The following CADPS2 variants were observed in gnomAD, a reference collection of about 807,000 sequenced individuals.
The protein encoded by CADPS2 is calcium-dependent secretion activator 2.
In CADPS2, 93 loss-of-function variants were observed where a neutral mutation model predicts 172.5. The observed-to-expected ratio is 0.54, with a 90% CI of 0.46 to 0.64. The LOEUF (loss-of-function observed/expected upper bound fraction) is 0.64, where lower values mean the gene tolerates loss of function less well. Among genes scored for constraint, CADPS2 ranks in the 30% least tolerant of loss-of-function variants. The pLI, the probability that CADPS2 is intolerant of heterozygous loss-of-function variation, is 0.00. For missense variants in CADPS2, 1,420 were observed against 1,565.9 expected (o/e 0.91, Z 1.57); for synonymous variants, 546 against 555.2 (o/e 0.98, Z 0.23).
At chr7:122,593,678 G>A (rs1406826473) in intron 6 of CADPS2, among the ~76,000 whole-genome samples, 2 of 151,784 alleles carry the variant, frequency 1.3e-5, no homozygotes, top group Non-Finnish European at 2.9e-5. Flanking sequence ...GAATATTAAA[G>A]TTTTCATCTG....
chr7:122,432,140 G>A (rs1025247565), intron 17 of CADPS2, among the ~76,000 whole-genome samples: 16 of 152,150 alleles, frequency 1.1e-4, no homozygotes, highest in African/African-American at 3.9e-4. Flanking sequence ...ATCAGTCTTG[G>A]AGGCATGGCA....
At chr7:122,883,290 T>C (rs555258737) in intron 1 of CADPS2, among the ~76,000 whole-genome samples, 1 of 152,280 alleles carries the variant, frequency 6.6e-6, no homozygotes, top group Admixed American at 6.5e-5. Context: ...CCTGGCCTCC[T>C]GGGTAAAGAT....
At chr7:122,771,934 G>C (rs1339828977) in intron 1 of CADPS2, among the ~76,000 whole-genome samples, 2 of 152,164 alleles carry the variant, frequency 1.3e-5, no homozygotes, top group African/African-American at 4.8e-5. Flanking sequence ...ATTTGTGTTA[G>C]GGAGAGAAAA....
intron 6 of CADPS2, among the ~76,000 whole-genome samples, chr7:122,588,079 A>G (rs989129124): frequency 6.6e-6 from 1 of 151,488 alleles, no homozygotes; most frequent in African/African-American, 2.4e-5. Flanking sequence ...TTTTTCTTGT[A>G]AATTTGAGTT....
chr7:122,698,916 C>T (rs71574716), intron 2 of CADPS2: 61,184 of 1,569,222 alleles, frequency 0.039, 1,660 homozygotes, highest in Non-Finnish European at 0.041. Context: ...TGAGTAGATG[C>T]ATCTCTCTCT....
intron 8 of CADPS2, among the ~76,000 whole-genome samples, chr7:122,527,957 T>C (rs1233434127): frequency 6.6e-6 from 1 of 152,130 alleles, no homozygotes; most frequent in African/African-American, 2.4e-5. Context: ...AATGGCTAAG[T>C]GCCAGGTATA....
intron 29 of CADPS2, among the ~76,000 whole-genome samples, chr7:122,324,036 A>G (rs1438495143): frequency 6.6e-6 from 1 of 151,680 alleles, no homozygotes; most frequent in Non-Finnish European, 1.5e-5. Context: ...TTATGAACCT[A>G]TCATATTGTC....
At chr7:122,390,275 G>A (rs1373711107) in intron 22 of CADPS2, among the ~76,000 whole-genome samples, 1 of 151,902 alleles carries the variant, frequency 6.6e-6, no homozygotes, top group African/African-American at 2.4e-5. Flanking sequence ...CAGTGAAAGT[G>A]TTGAAAAAAA....
At chr7:122,725,266 G>C (rs2090958927) in intron 2 of CADPS2, among the ~76,000 whole-genome samples, 1 of 151,930 alleles carries the variant, frequency 6.6e-6, no homozygotes, top group African/African-American at 2.4e-5. Context: ...CAGACCCCCT[G>C]AATTCTATCC....
intron 28 of CADPS2, chr7:122,331,768 T>A (rs1456878210): frequency 1.3e-5 from 2 of 152,212 alleles, no homozygotes; most frequent in South Asian, 2.1e-4. Flanking sequence ...CAAAACTGAG[T>A]TTAGATTAAG....
At chr7:122,336,621 T>A (rs68122497) in intron 28 of CADPS2, among the ~76,000 whole-genome samples, 32,172 of 152,168 alleles carry the variant, frequency 0.21, 3,931 homozygotes, top group East Asian at 0.45. Context: ...CAGTCTCTTA[T>A]AAAATTGGTA....
intron 1 of CADPS2, among the ~76,000 whole-genome samples, chr7:122,810,542 T>C (rs927654880): frequency 1.4e-4 from 21 of 152,230 alleles, no homozygotes; most frequent in Non-Finnish European, 1.6e-4. Context: ...CCTTAAGTCC[T>C]ATTTAAAACG....
intron 6 of CADPS2, among the ~76,000 whole-genome samples, chr7:122,592,776 G>T (rs1162672570): frequency 7.0e-6 from 1 of 142,196 alleles, no homozygotes; most frequent in East Asian, 2.1e-4. Flanking sequence ...TCATAGGTGG[G>T]AATTGAACAA....
chr7:122,372,293 A>G (rs2041861215), intron 25 of CADPS2, among the ~76,000 whole-genome samples: 1 of 152,138 alleles, frequency 6.6e-6, no homozygotes, highest in Non-Finnish European at 1.5e-5. Flanking sequence ...TGGAAGTGGA[A>G]AAGTCACAGA....
At chr7:122,351,330 G>A (rs547471803) in intron 27 of CADPS2, among the ~76,000 whole-genome samples, 19 of 116,156 alleles carry the variant, frequency 1.6e-4, no homozygotes, top group South Asian at 2.9e-4. Flanking sequence ...CCAAGATTGC[G>A]CCACTGCACT....
At chr7:122,363,226 G>C (rs889748856) in intron 25 of CADPS2, among the ~76,000 whole-genome samples, 2 of 152,188 alleles carry the variant, frequency 1.3e-5, no homozygotes, top group African/African-American at 2.4e-5. Context: ...GCCCTCTGTG[G>C]AAAATGCCTC....
At chr7:122,788,297 T>C (rs374331556) in intron 1 of CADPS2, among the ~76,000 whole-genome samples, 1 of 152,354 alleles carries the variant, frequency 6.6e-6, no homozygotes, top group South Asian at 2.1e-4. Context: ...GAATGAAGCA[T>C]TTCATTTTTG....
intron 14 of CADPS2, among the ~76,000 whole-genome samples, chr7:122,463,980 C>G (rs2054805150): frequency 6.6e-6 from 1 of 152,182 alleles, no homozygotes; most frequent in Non-Finnish European, 1.5e-5. Flanking sequence ...TCACCTAGCT[C>G]TGTCCAACTG....
Position 122,542,031 on chromosome 7 carries a change from T to C in CADPS2, c.1475+12519A>G, listed in dbSNP as rs139449834. ...TTTGTAAATCATAAATTATCTATTGTGTAATGATAACAGCTAAAATGGACA... is the reference window on the plus strand; with the variant it reads ...TTTGTAAATCATAAATTATCTATTGCGTAATGATAACAGCTAAAATGGACA... On this transcript the variant is annotated intron_variant, in intron 8 of 29. Coordinates refer to ENST00000449022, the MANE Select transcript of CADPS2 (RefSeq NM_017954.11). 1.3e-3 allele frequency among the ~76,000 whole-genome samples: 193 copies of C among 151,802 alleles called. 1 individual carries two copies. Among genetic ancestry groups the C allele is most frequent in the Non-Finnish European group, 2.2e-3 (150 of 67,890 alleles).
Sources: gnomAD v4.1 joint callset for allele counts (sites outside exome capture counted in the v4.1 genomes callset) on GRCh38, gnomAD v4.1.1 for gene constraint, MANE v1.5 for transcripts, NCBI Gene and HGNC (gene_info 2026-07-23, HGNC 2026-07-21) for gene names.